The following MCM9 variants were observed in gnomAD, a reference collection of about 807,000 sequenced individuals.
MCM9 encodes DNA helicase MCM9.
A neutral mutation model predicts 72.8 loss-of-function variants in MCM9; 55 were observed. That is an observed-to-expected ratio of 0.76 (90% CI 0.61 to 0.95). MCM9 has a LOEUF of 0.95. Among genes scored for constraint, MCM9 ranks in the 40% least tolerant of loss-of-function variants. The pLI is 0.00. For missense variants in MCM9, 1,279 were observed against 1,377.0 expected (o/e 0.93, Z 1.13); for synonymous variants, 480 against 503.4 (o/e 0.95, Z 0.62).
chr6:118,922,383 T>G (rs1048446566), intron 4 of MCM9, among the ~76,000 whole-genome samples: 1 of 152,204 alleles, frequency 6.6e-6, no homozygotes, highest in Non-Finnish European at 1.5e-5. Flanking sequence ...TAACTTTATC[T>G]AGAAAAGAGG....
intron 8 of MCM9, among the ~76,000 whole-genome samples, chr6:118,892,419 C>T (rs1432819560): frequency 1.3e-5 from 2 of 152,164 alleles, no homozygotes; most frequent in Non-Finnish European, 2.9e-5. Context: ...GTAACACTTA[C>T]GGTCAGACTG....
At position 118,815,548 on chromosome 6, in the gene MCM9, TCC is replaced by T; in HGVS notation, c.2706_2707del (p.Glu903ArgfsTer5). The T allele has an allele frequency of 6.5e-7, 1 of 1,549,772 alleles. No homozygotes were observed. Among genetic ancestry groups the T allele is most frequent in the Non-Finnish European group, 8.7e-7 (1 of 1,146,772 alleles). ...CTTAACATTTTCAATTGCAGGCTCT[TCC>T]ACTTGCGCAAGGGATTTCGGTCTCT... On this transcript the variant is annotated frameshift_variant, in exon 14 of 14. Transcript: ENST00000619706. LOFTEE classifies it low-confidence loss of function (END_TRUNC).
chr6:118,887,928 G>A (rs954046545), intron 8 of MCM9, among the ~76,000 whole-genome samples: 1 of 152,054 alleles, frequency 6.6e-6, no homozygotes, highest in African/African-American at 2.4e-5. Context: ...GTGAGACTCC[G>A]TCTGTATTTT....
At chr6:118,833,165 A>C (rs534991134) in intron 9 of MCM9, among the ~76,000 whole-genome samples, 7 of 152,262 alleles carry the variant, frequency 4.6e-5, no homozygotes, top group Non-Finnish European at 1.0e-4. Flanking sequence ...ACCACCCTCA[A>C]TCCACATCAG....
intron 9 of MCM9, among the ~76,000 whole-genome samples, chr6:118,834,615 T>C: frequency 6.6e-6 from 1 of 152,236 alleles, no homozygotes; most frequent in East Asian, 1.9e-4. Flanking sequence ...CTACTGATGA[T>C]GAGCTTTTTT....
intron 8 of MCM9, chr6:118,910,888 GA>G (rs1780496568): frequency 1.0e-6 from 1 of 985,200 alleles, no homozygotes; most frequent in Non-Finnish European, 1.2e-6. Context: ...TTTCTCATTA[GA>G]AATTTGAGCA....
chr6:118,856,415 G>A lies in MCM9; in HGVS notation c.1281C>T (p.Ile427=). The change falls in exon 9 of 14, where the codon ATC becomes ATT. Residue 427 remains isoleucine, a synonymous_variant. Transcript: ENST00000619706. ...TGGTTTGTTGCTCCATTGCTTCATG[G>A]ATACTGGTCCTATCATGCTCTTTGA... The part of the protein sequence containing the change: ...NSLKEHDRTS[I]HEAMEQQTIS... 4 of 1,535,444 alleles carry A rather than the reference G, an allele frequency of 2.6e-6. No homozygotes were observed. Among genetic ancestry groups the A allele is most frequent in the Non-Finnish European group, 3.5e-6 (4 of 1,146,834 alleles).
chr6:118,824,665 C>A (rs1230831565), intron 13 of MCM9, among the ~76,000 whole-genome samples: 4 of 152,162 alleles, frequency 2.6e-5, no homozygotes, highest in Admixed American at 2.6e-4. Flanking sequence ...CAGTATAAAG[C>A]ATTTTCTGGA....
In MCM9 at chr6:118,836,231, G is replaced by A. The variant is rs145473852; in HGVS notation, c.1326-6981C>T. ...TCGTGGTGGACAGGCTTTTTGATGT[G>A]CTTCTGGATTCAGTTTGCCAGTATT... On this transcript the variant is annotated intron_variant, in intron 9 of 13. Coordinates refer to ENST00000619706, the MANE Select transcript of MCM9 (RefSeq NM_017696.3). Among the ~76,000 whole-genome samples, 278 of 152,272 alleles carry A rather than the reference G, an allele frequency of 1.8e-3. 1 individual carries two copies. The highest frequency in any genetic ancestry group is 0.01 in the South Asian group (50 of 4,822).
At chr6:118,902,963 G>C (rs1364256957) in intron 8 of MCM9, among the ~76,000 whole-genome samples, 1 of 152,188 alleles carries the variant, frequency 6.6e-6, no homozygotes, top group South Asian at 2.1e-4. Context: ...AGTATTGCCA[G>C]CTAGAGTCAA....
chr6:118,926,709 T>C (rs1024715004), intron 3 of MCM9, among the ~76,000 whole-genome samples: 4 of 152,254 alleles, frequency 2.6e-5, no homozygotes, highest in African/African-American at 9.6e-5. Context: ...GTTTCCACTT[T>C]TTGGCTATTA....
rs185365608 is a variant in MCM9, at chr6:118,909,187, T to C, written c.1150+2463A>G. 9 of 152,316 alleles carry C rather than the reference T, an allele frequency of 5.9e-5. No homozygotes were observed. In the East Asian group the frequency reaches 1.7e-3, roughly 29 times the overall value. 9.4% of individuals were successfully genotyped at this position (152,316 alleles called of 1,614,324 possible). A position where few individuals can be genotyped will look rare whatever the true frequency, so the allele number is the denominator to read the frequency against. ...TTCCAACAAAGAGCTCAGTGGTTAA[T>C]ATAATAGGAACAACATATGTGCTTA... On this transcript the variant is annotated intron_variant, in intron 8 of 13. Transcript: ENST00000619706.
chr6:118,883,680 T>A (rs1778433241), intron 8 of MCM9, among the ~76,000 whole-genome samples: 1 of 151,338 alleles, frequency 6.6e-6, no homozygotes, highest in Non-Finnish European at 1.5e-5. Context: ...TGGGATTACA[T>A]ATTCAAAGTG....
chr6:118,873,085 C>T (rs1284495179), intron 8 of MCM9, among the ~76,000 whole-genome samples: 1 of 150,816 alleles, frequency 6.6e-6, no homozygotes, highest in Non-Finnish European at 1.5e-5. Flanking sequence ...GGTGAGAGGA[C>T]CACTTGGGCC....
intron 8 of MCM9, among the ~76,000 whole-genome samples, chr6:118,890,080 C>A (rs1778848037): frequency 6.6e-6 from 1 of 152,182 alleles, no homozygotes; most frequent in Non-Finnish European, 1.5e-5. Context: ...ATCTGTAGTA[C>A]CCCGTGGGGA....
chr6:118,932,487 A>G, intron 2 of MCM9, 120 bp downstream of exon 2: 1 of 508,756 alleles, frequency 2.0e-6, no homozygotes, highest in Non-Finnish European at 2.5e-6. Flanking sequence ...AGTTCTTTGC[A>G]AGAGTCCTGG....
intron 9 of MCM9, among the ~76,000 whole-genome samples, chr6:118,830,575 T>C (rs1774473501): frequency 6.6e-6 from 1 of 152,164 alleles, no homozygotes; most frequent in African/African-American, 2.4e-5. Context: ...CATAGAACAA[T>C]GTAATAAGCG....
intron 2 of MCM9, among the ~76,000 whole-genome samples, chr6:118,932,324 G>A (rs1782506898): frequency 6.6e-6 from 1 of 152,120 alleles, no homozygotes; most frequent in Non-Finnish European, 1.5e-5. Flanking sequence ...ATCACCTAAT[G>A]ACAAATTTCT....
chr6:118,825,799 G>A (rs1774130129), intron 13 of MCM9, among the ~76,000 whole-genome samples: 3 of 152,180 alleles, frequency 2.0e-5, no homozygotes. Context: ...AGAAAGGTAA[G>A]TTTTGAAATG....
Sources: gnomAD v4.1 joint callset for allele counts (sites outside exome capture counted in the v4.1 genomes callset) on GRCh38, gnomAD v4.1.1 for gene constraint, MANE v1.5 for transcripts, NCBI Gene and HGNC (gene_info 2026-07-23, HGNC 2026-07-21) for gene names.